MLLT3: variants seen among roughly 807,000 people sequenced by gnomAD.
MLLT3 encodes the protein MLLT3 super elongation complex subunit, also known as protein AF-9.
Under a neutral mutation model 53.2 loss-of-function variants are expected in MLLT3, and 4 were observed. That is an observed-to-expected ratio of 0.08 (90% confidence interval 0.04 to 0.17). The LOEUF (loss-of-function observed/expected upper bound fraction) is 0.17, where lower values mean the gene tolerates loss of function less well. MLLT3 is among the 10% of genes least tolerant of loss of function. MLLT3 has a pLI of 1.00. For synonymous variants in MLLT3, 283 were observed against 230.6 expected (o/e 1.23, Z -2.06); for missense variants, 569 against 684.0 (o/e 0.83, Z 1.87).
At chr9:20,569,574 T>C (rs780449976) in intron 2 of MLLT3, among the ~76,000 whole-genome samples, 5 of 152,190 alleles carry the variant, frequency 3.3e-5, no homozygotes, top group Non-Finnish European at 5.9e-5. Flanking sequence ...ACTTATAATA[T>C]GCTTGATATT....
At chr9:20,509,778 A>G (rs948585671) in intron 2 of MLLT3, among the ~76,000 whole-genome samples, 1 of 151,994 alleles carries the variant, frequency 6.6e-6, no homozygotes, top group African/African-American at 2.4e-5. Flanking sequence ...ACTACCACAT[A>G]TTTTTGTTTT....
intron 9 of MLLT3, 109 bp from the exon 10 acceptor site, chr9:20,353,705 A>C: frequency 2.1e-5 from 19 of 902,644 alleles, no homozygotes; most frequent in Non-Finnish European, 3.4e-5. Context: ...GAGGTTTCTC[A>C]TTACACCACT....
At chr9:20,496,108 A>G (rs1445238721) in intron 2 of MLLT3, among the ~76,000 whole-genome samples, 1 of 152,216 alleles carries the variant, frequency 6.6e-6, no homozygotes, top group Non-Finnish European at 1.5e-5. Flanking sequence ...GATGCTTTCT[A>G]TAAGGATTTC....
chr9:20,555,692 C>T (rs1034338309), intron 2 of MLLT3, among the ~76,000 whole-genome samples: 2 of 152,136 alleles, frequency 1.3e-5, no homozygotes, highest in African/African-American at 4.8e-5. Context: ...TCTCAGCCAC[C>T]ACCCTCCCCT....
chr9:20,384,777 T>C (rs187112146), intron 5 of MLLT3, among the ~76,000 whole-genome samples: 44 of 152,222 alleles, frequency 2.9e-4, no homozygotes, highest in African/African-American at 8.9e-4. Context: ...AAATCTACAG[T>C]CTGTTTTCTT....
At chr9:20,569,749 C>G (rs1470784394) in intron 2 of MLLT3, among the ~76,000 whole-genome samples, 2 of 152,174 alleles carry the variant, frequency 1.3e-5, no homozygotes, top group East Asian at 3.9e-4. Context: ...AGTTCTATGA[C>G]TTTGGGCACG....
At chr9:20,565,765 G>C (rs1384179489) in intron 2 of MLLT3, among the ~76,000 whole-genome samples, 1 of 150,532 alleles carries the variant, frequency 6.6e-6, no homozygotes, top group Non-Finnish European at 1.5e-5. Context: ...GTGGTGCCCT[G>C]AGACCTAGAC....
intron 2 of MLLT3, among the ~76,000 whole-genome samples, chr9:20,586,248 T>C (rs959152372): frequency 2.0e-5 from 3 of 151,812 alleles, no homozygotes; most frequent in Admixed American, 1.3e-4. Flanking sequence ...TGAGCCCAGA[T>C]GGTCAAGGCT....
At chr9:20,397,412 A>G (rs964754503) in intron 5 of MLLT3, among the ~76,000 whole-genome samples, 4 of 152,164 alleles carry the variant, frequency 2.6e-5, no homozygotes, top group Non-Finnish European at 1.5e-5. Context: ...GCTAGCACCC[A>G]CCAGCGATTG....
chr9:20,402,663 T>A (rs146277054), intron 5 of MLLT3, among the ~76,000 whole-genome samples: 30 of 152,292 alleles, frequency 2.0e-4, no homozygotes, highest in African/African-American at 7.2e-4. Context: ...CCTAGTGATT[T>A]TTTTCCCCCC....
intron 4 of MLLT3, among the ~76,000 whole-genome samples, chr9:20,441,473 A>T (rs370013279): frequency 5.9e-5 from 9 of 152,240 alleles, no homozygotes; most frequent in Admixed American, 5.2e-4. Flanking sequence ...TTCCACTTTC[A>T]TAACTTAATT....
At chr9:20,490,883 A>C (rs1824931844) in intron 2 of MLLT3, among the ~76,000 whole-genome samples, 1 of 152,174 alleles carries the variant, frequency 6.6e-6, no homozygotes, top group Non-Finnish European at 1.5e-5. Flanking sequence ...AGAATCTAGG[A>C]TCTAGTAATG....
intron 2 of MLLT3, among the ~76,000 whole-genome samples, chr9:20,562,502 T>C (rs768701466): frequency 1.3e-5 from 2 of 152,072 alleles, no homozygotes; most frequent in Non-Finnish European, 2.9e-5. Flanking sequence ...AACCCACCAA[T>C]GGACCCTTAG....
At chr9:20,523,255 T>C (rs1263289630) in intron 2 of MLLT3, among the ~76,000 whole-genome samples, 1 of 152,232 alleles carries the variant, frequency 6.6e-6, no homozygotes, top group Non-Finnish European at 1.5e-5. Context: ...ACAGGAACTC[T>C]CATTCATTGC....
intron 8 of MLLT3, among the ~76,000 whole-genome samples, chr9:20,356,487 A>G (rs1301982424): frequency 6.6e-6 from 1 of 152,112 alleles, no homozygotes; most frequent in Non-Finnish European, 1.5e-5. Context: ...CAAGTAGGTC[A>G]GTAGATGGCA....
Position 20,496,568 on chromosome 9 carries a change from A to G in MLLT3, c.194-39782T>C, listed in dbSNP as rs1051357563. Among the ~76,000 whole-genome samples the G allele has an allele frequency of 2.0e-5, 3 of 152,218 alleles. No homozygotes were observed. The South Asian group carries it at 6.2e-4, about 32-fold the overall frequency. Reference sequence around the variant, plus strand: ...AAAACACACACACACATTAAAAAAAATAAGCACTACAATTACAAAGCTCAT... The same window carrying G: ...AAAACACACACACACATTAAAAAAAGTAAGCACTACAATTACAAAGCTCAT... On this transcript the variant is annotated intron_variant, in intron 2 of 10. Transcript: ENST00000380338.
chr9:20,376,590 C>T (rs1460174332), intron 5 of MLLT3, among the ~76,000 whole-genome samples: 8 of 152,098 alleles, frequency 5.3e-5, no homozygotes, highest in Non-Finnish European at 8.8e-5. Flanking sequence ...CACTACTTGT[C>T]TGAGAATAGA....
chr9:20,408,935 G>T (rs541990940), intron 5 of MLLT3, among the ~76,000 whole-genome samples: 68 of 151,944 alleles, frequency 4.5e-4, no homozygotes, highest in African/African-American at 1.6e-3. Context: ...CATTTATCCT[G>T]CATCGGAATC....
intron 2 of MLLT3, among the ~76,000 whole-genome samples, chr9:20,596,195 T>G (rs74317336): frequency 0.019 from 2,960 of 152,318 alleles, 96 homozygotes; most frequent in African/African-American, 0.068. Flanking sequence ...AACTTTCTTA[T>G]AGCATGTTTT....
Sources: allele counts gnomAD v4.1 joint callset (sites outside exome capture counted in the v4.1 genomes callset), GRCh38; gene constraint gnomAD v4.1.1; transcripts MANE v1.5; gene names NCBI Gene and HGNC (gene_info 2026-07-23, HGNC 2026-07-21).